Variants in ENTPD4 observed in about 807,000 individuals in gnomAD.
The protein encoded by ENTPD4 is ectonucleoside triphosphate diphosphohydrolase 4, also known as Golgi UDPase.
ENTPD4 carries 60 observed loss-of-function variants against 79.1 expected under a neutral mutation model. The observed-to-expected ratio is 0.76, with a 90% CI of 0.62 to 0.94. The LOEUF (loss-of-function observed/expected upper bound fraction) is 0.94. ENTPD4 is among the 40% of genes least tolerant of loss of function. ENTPD4 has a pLI of 0.00. For synonymous variants in ENTPD4, 276 were observed against 292.0 expected, an observed-to-expected ratio of 0.95 and a Z score of 0.56; for missense variants, 772 against 775.1, an observed-to-expected ratio of 1.00 and a Z score of 0.05.
intron 9 of ENTPD4, 105 bp downstream of exon 9, chr8:23,439,644 A>T: frequency 1.9e-6 from 2 of 1,035,220 alleles, no homozygotes; most frequent in Non-Finnish European, 3.0e-6. Flanking sequence ...CTAACAGTGC[A>T]ACACACTTTT....
intron 6 of ENTPD4, among the ~76,000 whole-genome samples, chr8:23,442,534 A>C (rs1800691757): frequency 6.6e-6 from 1 of 152,026 alleles, no homozygotes; most frequent in African/African-American, 2.4e-5. Context: ...AAATACAAAA[A>C]TTAGTTGGGC....
rs771831338 is a variant in ENTPD4 at position 23,437,283 on chromosome 8, C to A, written c.1050-25G>T. 4.4e-5 allele frequency: 68 copies of A among 1,531,298 alleles called. No individual in the cohort carries two copies. The East Asian group carries it at 1.5e-3, about 33-fold the overall frequency. The allele number at this position is 1,531,298 out of a possible 1,614,324, so 94.9% of individuals were successfully genotyped here. A position where few individuals can be genotyped will look rare whatever the true frequency, so the allele number is the denominator to read the frequency against. ...CCTATGGCAAAACAAGAAACTTCAT[C>A]GTGAGTCCTACAGAAAACTGTGTTT... On this transcript the variant is annotated intron_variant, in intron 9 of 12. Transcript: ENST00000358689.
intron 1 of ENTPD4, among the ~76,000 whole-genome samples, chr8:23,455,518 T>C (rs1332384131): frequency 6.6e-6 from 1 of 152,244 alleles, no homozygotes; most frequent in Non-Finnish European, 1.5e-5. Flanking sequence ...ATTCATTCTT[T>C]AAGAAGATAT....
At position 23,449,916 on chromosome 8, in the gene ENTPD4, A is replaced by G; in HGVS notation, c.-16T>C. The G allele has an allele frequency of 6.2e-7, 1 of 1,614,082 alleles. No homozygotes were observed. The highest frequency in any genetic ancestry group is 2.2e-5 in the East Asian group (1 of 44,868). Reference sequence around the variant, plus strand: ...ACCTCCCCATACTGAAAGGTCAGCAACAAGGCAATGCTCTGGGATTCAGTC... The same window carrying G: ...ACCTCCCCATACTGAAAGGTCAGCAGCAAGGCAATGCTCTGGGATTCAGTC... On this transcript the variant is annotated 5_prime_UTR_variant, in exon 2 of 13. Coordinates refer to ENST00000358689, the MANE Select transcript of ENTPD4 (RefSeq NM_004901.5).
At chr8:23,443,439 A>G (rs1800708769) in intron 6 of ENTPD4, among the ~76,000 whole-genome samples, 1 of 152,226 alleles carries the variant, frequency 6.6e-6, no homozygotes, top group Non-Finnish European at 1.5e-5. Flanking sequence ...CATTGACTTG[A>G]CATTTCATTC....
intron 4 of ENTPD4, among the ~76,000 whole-genome samples, chr8:23,444,903 T>A (rs1465398732): frequency 6.6e-6 from 1 of 152,108 alleles, no homozygotes; most frequent in Non-Finnish European, 1.5e-5. Flanking sequence ...TCTCCTCAGG[T>A]GAGCTCAGTC....
At position 23,432,750 on chromosome 8, in the gene ENTPD4, G is replaced by A. The variant is rs969993940; in HGVS notation, c.*176C>T. The A allele has an allele frequency of 1.2e-5, 16 of 1,357,312 alleles. No individual in the cohort carries two copies. Among genetic ancestry groups the A allele is most frequent in the Non-Finnish European group, 1.4e-5 (15 of 1,036,602 alleles). 84.1% of individuals were successfully genotyped at this position (1,357,312 alleles called of 1,614,324 possible). A position where few individuals can be genotyped will look rare whatever the true frequency, so the allele number is the denominator to read the frequency against. On this transcript the variant is annotated 3_prime_UTR_variant, in exon 13 of 13. Coordinates refer to ENST00000358689, the MANE Select transcript of ENTPD4 (RefSeq NM_004901.5). ...CCTGACCTCATGATCCGCCCGCCTC[G>A]GCCTCCCAAAGTGCTGGGATTACAG...
rs1042925782 is a variant in ENTPD4 at position 23,430,486 on chromosome 8, A to G, written c.*2440T>C. ...CTGTCTGTATCCTTTTTTGAACTGC[A>G]TTGTTCTCACAAGGACCAGCAAACT... On this transcript the variant is annotated 3_prime_UTR_variant, in exon 13 of 13. Coordinates refer to ENST00000358689, the MANE Select transcript of ENTPD4 (RefSeq NM_004901.5). The G allele has an allele frequency of 2.0e-6, 2 of 985,284 alleles. No individual in the cohort carries two copies. Among genetic ancestry groups the G allele is most frequent in the Non-Finnish European group, 2.4e-6 (2 of 829,930 alleles). 61.0% of individuals were successfully genotyped at this position (985,284 alleles called of 1,614,324 possible).
rs534610800 is a variant in ENTPD4, at chr8:23,432,468, G to C, written c.*458C>G. The C allele has an allele frequency of 4.9e-5, 48 of 986,534 alleles. No individual in the cohort carries two copies. The highest frequency in any genetic ancestry group is 6.1e-5 in the Admixed American group (1 of 16,460). The allele number at this position is 986,534 out of a possible 1,614,324, so 61.1% of individuals were successfully genotyped here. A position where few individuals can be genotyped will look rare whatever the true frequency, so the allele number is the denominator to read the frequency against. On this transcript the variant is annotated 3_prime_UTR_variant, in exon 13 of 13. Coordinates refer to ENST00000358689, the MANE Select transcript of ENTPD4 (RefSeq NM_004901.5). ...AATGCTGTACTCAAAATGGCTAAAC[G>C]CAATACTTCTAGACAGCAGGGCTTA... is the stretch of plus-strand genomic sequence containing the variant.
Position 23,443,910 on chromosome 8 carries a change from C to T in ENTPD4, c.607G>A (p.Val203Met), listed in dbSNP as rs748624048. 36 of 1,613,278 alleles carry T rather than the reference C, an allele frequency of 2.2e-5. No homozygotes were observed. The highest frequency in any genetic ancestry group is 1.3e-4 in the Admixed American group (8 of 59,958). Residue 203 changes from valine to methionine, a missense_variant, in exon 6 of 13, where the codon GTG (valine) becomes ATG (methionine). By Grantham distance (21) the Val-to-Met change is conservative. Coordinates refer to ENST00000358689, the MANE Select transcript of ENTPD4 (RefSeq NM_004901.5). ...TCAGAAAACAGAAAGTCAAAGTGCA[C>T]GGGGATATCGGTCAGAAGGTCTTCC... ...ILEDLLTDIP[V>M]HFDFLFSDSH...
intron 12 of ENTPD4, among the ~76,000 whole-genome samples, chr8:23,433,657 A>T (rs2117273834): frequency 6.6e-6 from 1 of 152,340 alleles, no homozygotes; most frequent in South Asian, 2.1e-4. Context: ...GTTCTACCCA[A>T]GCGCTGACTG....
In ENTPD4 at chr8:23,454,603, T is replaced by A. The variant is rs11779731; in HGVS notation, c.-98+2954A>T. Among the ~76,000 whole-genome samples the A allele has an allele frequency of 6.2e-3, 948 of 152,054 alleles. 4 individuals carry two copies. The highest frequency in any genetic ancestry group is 0.01 in the Middle Eastern group (3 of 294). On this transcript the variant is annotated intron_variant, in intron 1 of 12. Coordinates refer to ENST00000358689, the MANE Select transcript of ENTPD4 (RefSeq NM_004901.5). ...GGAAAAGATTCCTAGAGGTGGGAGG[T>A]CAATTCTAGATGGGGTGAGAAAGAA...
rs1036889987 is a variant in ENTPD4, at chr8:23,431,381, C to A, written c.*1545G>T. 5.1e-6 allele frequency: 5 copies of A among 985,268 alleles called. No homozygotes were observed. In the African/African-American group the frequency reaches 7.0e-5, roughly 14 times the overall value. The allele number at this position is 985,268 out of a possible 1,614,324, so 61.0% of individuals were successfully genotyped here. A position where few individuals can be genotyped will look rare whatever the true frequency, so the allele number is the denominator to read the frequency against. On this transcript the variant is annotated 3_prime_UTR_variant, in exon 13 of 13. Coordinates refer to ENST00000358689, the MANE Select transcript of ENTPD4 (RefSeq NM_004901.5). ...TTAGGGAACAGCACACACAGACACT[C>A]GCACAAAACAAACTCCACCTAAAAA...
chr8:23,438,484 T>C (rs565545023), intron 9 of ENTPD4, among the ~76,000 whole-genome samples: 4 of 152,354 alleles, frequency 2.6e-5, no homozygotes, highest in African/African-American at 7.2e-5. Flanking sequence ...TCATGACATA[T>C]GAAACACCTG....
In ENTPD4 at chr8:23,439,919, C is replaced by T; in HGVS notation, c.883-4G>A. The T allele has an allele frequency of 6.2e-7, 1 of 1,613,278 alleles. No homozygotes were observed. The highest frequency in any genetic ancestry group is 1.7e-5 in the Admixed American group (1 of 60,026). On this transcript the variant is annotated splice_polypyrimidine_tract_variant and splice_region_variant and intron_variant, in intron 8 of 12. Transcript: ENST00000358689. ...ACAAGTTTTTAGCTACTTCTTCCTG[C>T]AGACATAAGCATAACAAACCTTAAT...
chr8:23,435,698 GTTAAAGAGAGCT>G (rs1800545099), intron 10 of ENTPD4, among the ~76,000 whole-genome samples: 1 of 152,174 alleles, frequency 6.6e-6, no homozygotes, highest in Admixed American at 6.5e-5. Context: ...CCAGGGTATT[GTTAAAGAGAGCT>G]TTGCTGTCCA....
chr8:23,453,512 G>A (rs531646605), intron 1 of ENTPD4, among the ~76,000 whole-genome samples: 1 of 152,166 alleles, frequency 6.6e-6, no homozygotes, highest in Non-Finnish European at 1.5e-5. Context: ...ACAGAAAAAT[G>A]AGCAAAGACA....
At position 23,444,564 on chromosome 8, in the gene ENTPD4, TA is replaced by T; in HGVS notation, c.454del (p.Tyr152ThrfsTer6). On this transcript the variant is annotated frameshift_variant, in exon 5 of 13. Transcript: ENST00000358689. LOFTEE classifies it high-confidence loss of function. ...FATSPEKVSD[Y>X]ISPLLNFAAE... is the part of the protein sequence containing the mutation. The stretch of plus-strand genomic sequence containing the variant: ...AGCAAAGTTCAAAAGTGGAGAAATG[TA>T]ATCACTGACTTTCTCTGGAGAGGTA... 1 of 1,614,102 alleles carries T rather than the reference TA, an allele frequency of 6.2e-7. No homozygotes were observed. The highest frequency in any genetic ancestry group is 1.1e-5 in the South Asian group (1 of 91,080).
At position 23,434,336 on chromosome 8, in the gene ENTPD4, T is replaced by C. The variant is rs547006808; in HGVS notation, c.1603A>G (p.Thr535Ala). 8 of 1,614,158 alleles carry C rather than the reference T, an allele frequency of 5.0e-6. No homozygotes were observed. The highest frequency in any genetic ancestry group is 3.4e-6 in the Non-Finnish European group (4 of 1,180,008). ...CCCTACCTTAATGGTAGAAAGCGGG[T>C]CCTGTAGAGGATGGCTCCAAGGGTC... ...QWTLGAILYR[T>A]RFLPLRDIQQ... The change falls in exon 12 of 13, where the codon ACC (threonine) becomes GCC (alanine). Residue 535 changes from threonine to alanine, a missense_variant. Thr to Ala is a moderately conservative substitution (Grantham distance 58). Coordinates refer to ENST00000358689, the MANE Select transcript of ENTPD4 (RefSeq NM_004901.5).
Sources: gnomAD v4.1 joint callset for allele counts (sites outside exome capture counted in the v4.1 genomes callset) on GRCh38, gnomAD v4.1.1 for gene constraint, MANE v1.5 for transcripts, NCBI Gene and HGNC (gene_info 2026-07-23, HGNC 2026-07-21) for gene names.